PPT2: variants seen among roughly 807,000 people sequenced by gnomAD.
PPT2 encodes lysosomal thioesterase PPT2.
A neutral mutation model predicts 37.3 loss-of-function variants in PPT2; 20 were observed. The observed-to-expected ratio is 0.54, with a 90% CI of 0.38 to 0.78. The LOEUF is 0.78. PPT2 is among the 30% of genes least tolerant of loss of function. PPT2 has a pLI of 0.00. For synonymous variants in PPT2, 135 were observed against 159.1 expected, an observed-to-expected ratio of 0.85 and a Z score of 1.14; for missense variants, 270 against 389.8, an observed-to-expected ratio of 0.69 and a Z score of 2.59.
chr6:32,157,550 C>A lies in PPT2; in HGVS notation c.542-87C>A, dbSNP rs959212169. On this transcript the variant is annotated intron_variant, in intron 5 of 8. Coordinates refer to ENST00000324816, the MANE Select transcript of PPT2 (RefSeq NM_005155.7). ...ACTATTTTATTACTATCCACCTTGA[C>A]TATTGCTGCAGCTTCCTTATTGGGC... is the stretch of plus-strand genomic sequence containing the variant. 15 of 1,138,586 alleles carry A rather than the reference C, an allele frequency of 1.3e-5. No homozygotes were observed. The African/African-American group carries it at 2.1e-4, about 16-fold the overall frequency. 70.5% of individuals were successfully genotyped at this position (1,138,586 alleles called of 1,614,324 possible).
Position 32,162,474 on chromosome 6 carries a change from C to T in PPT2, c.711-94C>T, listed in dbSNP as rs978597723. The T allele has an allele frequency of 7.7e-6, 10 of 1,290,948 alleles. No homozygotes were observed. In the African/African-American group the frequency reaches 1.5e-4, roughly 19 times the overall value. 80.0% of individuals were successfully genotyped at this position (1,290,948 alleles called of 1,614,324 possible). On this transcript the variant is annotated intron_variant, in intron 7 of 8. Coordinates refer to ENST00000324816, the MANE Select transcript of PPT2 (RefSeq NM_005155.7). This position sits in a 1 kb window ranked among gnomAD's most constrained non-coding sequence, Gnocchi z 5.5. ...GCCTCAGGTGATTTGCCCTCCTTGG[C>T]CTCCCAAAGTGCTGCAATTACAGGC...
At chr6:32,161,964 G>GGCCTTGGCC (rs1784191346) in intron 7 of PPT2, among the ~76,000 whole-genome samples, 1 of 150,742 alleles carries the variant, frequency 6.6e-6, no homozygotes, top group Admixed American at 6.6e-5. Flanking sequence ...GTGATCCGCC[G>GGCCTTGGCC]GCCTTGGCCT....
Position 32,154,358 on chromosome 6 carries a change from A to G in PPT2, c.-55A>G. 1 of 1,419,660 alleles carries G rather than the reference A, an allele frequency of 7.0e-7. No individual in the cohort carries two copies. The highest frequency in any genetic ancestry group is 9.2e-7 in the Non-Finnish European group (1 of 1,091,400). 87.9% of individuals were successfully genotyped at this position (1,419,660 alleles called of 1,614,324 possible). On this transcript the variant is annotated 5_prime_UTR_variant, in exon 1 of 9. Coordinates refer to ENST00000324816, the MANE Select transcript of PPT2 (RefSeq NM_005155.7). This position sits in a 1 kb window ranked among gnomAD's most constrained non-coding sequence, Gnocchi z 7.3. ...TAGGAAGATCCTGGACCTAGAGAAC[A>G]AGTCCCCCGAACGCTGAGTTGGAGG... is the stretch of plus-strand genomic sequence containing the variant.
chr6:32,153,602 A>T, upstream of PPT2: 1 of 1,598,262 alleles, frequency 6.3e-7, no homozygotes, highest in Non-Finnish European at 8.5e-7. The surrounding 1 kb of genome is among the most constrained non-coding windows in gnomAD (Gnocchi z 4.4). Flanking sequence ...GTCTCTGGAG[A>T]CAAGGGCACT....
chr6:32,157,248 TCTCA>T (rs1783857887), intron 5 of PPT2: 1 of 237,906 alleles, frequency 4.2e-6, no homozygotes, highest in Non-Finnish European at 8.3e-6. Flanking sequence ...TGAGATGGAG[TCTCA>T]CTGTGTCTCC....
At chr6:32,159,459 T>A (rs41268916) in intron 7 of PPT2, among the ~76,000 whole-genome samples, 2,524 of 96,896 alleles carry the variant, frequency 0.026, 44 homozygotes, top group Non-Finnish European at 0.042. Flanking sequence ...AAAATATATA[T>A]ATATATATAT....
In PPT2 at chr6:32,154,602, G is replaced by T; in HGVS notation, c.8G>T (p.Gly3Val). 1 of 1,610,996 alleles carries T rather than the reference G, an allele frequency of 6.2e-7. No individual in the cohort carries two copies. Among genetic ancestry groups the T allele is most frequent in the East Asian group, 2.2e-5 (1 of 44,812 alleles). The change falls in exon 2 of 9, where the codon GGG becomes GTG. Residue 3 changes from glycine (G) to valine (V), a missense_variant. Coordinates refer to ENST00000324816, the MANE Select transcript of PPT2 (RefSeq NM_005155.7). The surrounding 1 kb of genome is among the most constrained non-coding windows in gnomAD (Gnocchi z 7.3). Reference protein sequence around the residue: MLGLCGQRLPAAW... With the variant: MLVLCGQRLPAAW... ...CCTTTCTCAGGCGGGAGCATGCTGG[G>T]GCTCTGCGGGCAGCGGCTCCCCGCG...
In PPT2 at chr6:32,159,433, C is replaced by CAAAAAA. The variant is rs1214191656; in HGVS notation, c.710+1523_710+1528dup. Among the ~76,000 whole-genome samples, 14 of 22,188 alleles carry CAAAAAA rather than the reference C, an allele frequency of 6.3e-4. No individual in the cohort carries two copies. In the South Asian group the frequency reaches 8.2e-3, roughly 13 times the overall value. The allele number at this position is 22,188 out of a possible 152,430, so 14.6% of individuals were successfully genotyped here. On this transcript the variant is annotated intron_variant, in intron 7 of 8. Transcript: ENST00000324816. ...GGGCAACAAGAGCGAAACTCCATCT[C>CAAAAAA]AAAAAAAAAAAAAAAAAAATATATA...
chr6:32,157,279 G>T (rs768137883), intron 5 of PPT2: 4 of 336,010 alleles, frequency 1.2e-5, no homozygotes, highest in Admixed American at 4.3e-5. Context: ...GGAGTGCAGT[G>T]GTGCAGTCTC....
At chr6:32,153,920 T>C (rs1056592465), upstream of PPT2, 1 of 1,360,276 alleles carries the variant, frequency 7.4e-7, no homozygotes, top group African/African-American at 1.5e-5. This position sits in a 1 kb window ranked among gnomAD's most constrained non-coding sequence, Gnocchi z 4.4. Context: ...GAGGCCTTCT[T>C]TCCATTCCCA....
At position 32,155,935 on chromosome 6, in the gene PPT2, T is replaced by C. The variant is rs751334475; in HGVS notation, c.498T>C (p.Tyr166=). 11 of 1,613,998 alleles carry C rather than the reference T, an allele frequency of 6.8e-6. No individual in the cohort carries two copies. The highest frequency in any genetic ancestry group is 6.7e-5 in the African/African-American group (5 of 74,888). ...GGTCTAACCTCTATCGGATCTGCTA[T>C]AGCCCCTGGGGCCAGGAATTCTCCA... ...SMRSNLYRIC[Y]SPWGQEFSIC... Residue 166 remains tyrosine (Y), a synonymous_variant, in exon 5 of 9, where the codon TAT becomes TAC. Transcript: ENST00000324816. This position sits in a 1 kb window ranked among gnomAD's most constrained non-coding sequence, Gnocchi z 4.3.
Position 32,155,226 on chromosome 6 carries a change from G to A in PPT2, c.337+43G>A, listed in dbSNP as rs2127387302. On this transcript the variant is annotated intron_variant, in intron 3 of 8. Transcript: ENST00000324816. The surrounding 1 kb of genome is among the most constrained non-coding windows in gnomAD (Gnocchi z 4.3). ...CCCTAACTCCTAAGCCCTATCTGAG[G>A]CTTGATCCTTATCTGAGGGACACTT... 1 of 1,605,846 alleles carries A rather than the reference G, an allele frequency of 6.2e-7. No individual in the cohort carries two copies. The highest frequency in any genetic ancestry group is 2.2e-5 in the East Asian group (1 of 44,802).
chr6:32,162,722 G>A lies in PPT2; in HGVS notation c.766-85G>A. 6.3e-7 allele frequency: 1 copy of A among 1,581,728 alleles called. No homozygotes were observed. Among genetic ancestry groups the A allele is most frequent in the East Asian group, 2.2e-5 (1 of 44,716 alleles). ...GCTGAAGGGTTCACCCTGTGGGGAG[G>A]AGGTCCAGGATCCCAGCAGTAACTC... On this transcript the variant is annotated intron_variant, in intron 8 of 8. Transcript: ENST00000324816. The surrounding 1 kb of genome is among the most constrained non-coding windows in gnomAD (Gnocchi z 5.5).
At position 32,159,472 on chromosome 6, in the gene PPT2, A is replaced by ATATATATATATATATATC. The variant is rs1465188963; in HGVS notation, c.710+1549_710+1550insATATATATATATATATCT. On this transcript the variant is annotated intron_variant, in intron 7 of 8. Transcript: ENST00000324816. The stretch of plus-strand genomic sequence containing the variant: ...AAAAAATATATATATATATATATAT[A>ATATATATATATATATATC]TCCTCATCCCTATTTCCCGACAGTC... 5.1e-3 allele frequency among the ~76,000 whole-genome samples: 650 copies of ATATATATATATATATATC among 126,878 alleles called. 2 individuals are homozygous for ATATATATATATATATATC. The highest frequency in any genetic ancestry group is 8.3e-3 in the Middle Eastern group (2 of 242). 83.2% of individuals were successfully genotyped at this position (126,878 alleles called of 152,430 possible). A position where few individuals can be genotyped will look rare whatever the true frequency, so the allele number is the denominator to read the frequency against.
intron 7 of PPT2, among the ~76,000 whole-genome samples, chr6:32,160,607 A>C (rs1368070815): frequency 6.6e-6 from 1 of 151,878 alleles, no homozygotes; most frequent in Non-Finnish European, 1.5e-5. Flanking sequence ...CGGAGGTTGC[A>C]ATGAGCCGAC....
At chr6:32,154,132 CT>C (rs1783555485), upstream of PPT2, 2 of 1,092,108 alleles carry the variant, frequency 1.8e-6, no homozygotes, top group African/African-American at 1.7e-5. The surrounding 1 kb of genome is among the most constrained non-coding windows in gnomAD (Gnocchi z 7.3). Flanking sequence ...GCCCTTCCCC[CT>C]CCCATCCGTC....
At chr6:32,161,497 C>G (rs957912929) in intron 7 of PPT2, among the ~76,000 whole-genome samples, 6 of 151,308 alleles carry the variant, frequency 4.0e-5, no homozygotes, top group Non-Finnish European at 5.9e-5. Flanking sequence ...CCATGTTGGC[C>G]AGGCTGGTCT....
rs1168886796 is a variant in PPT2, at chr6:32,154,401, G to T, written c.-12G>T. ...GTTGGAGGCGGGACTTCGGGTGCGC[G>T]TTGGTGCGTCAACGTGGTGGGGGGG... On this transcript the variant is annotated 5_prime_UTR_variant, in exon 1 of 9. Coordinates refer to ENST00000324816, the MANE Select transcript of PPT2 (RefSeq NM_005155.7). This position sits in a 1 kb window ranked among gnomAD's most constrained non-coding sequence, Gnocchi z 7.3. The T allele has an allele frequency of 1.0e-5, 15 of 1,447,762 alleles. No homozygotes were observed. Among genetic ancestry groups the T allele is most frequent in the Non-Finnish European group, 1.4e-5 (15 of 1,106,816 alleles). The allele number at this position is 1,447,762 out of a possible 1,614,324, so 89.7% of individuals were successfully genotyped here. A position where few individuals can be genotyped will look rare whatever the true frequency, so the allele number is the denominator to read the frequency against.
At position 32,162,602 on chromosome 6, in the gene PPT2, C is replaced by G; in HGVS notation, c.745C>G (p.Leu249Val). The change falls in exon 8 of 9, where the codon CTG becomes GTG. Residue 249 changes from leucine to valine, a missense_variant. Transcript: ENST00000324816. The surrounding 1 kb of genome is among the most constrained non-coding windows in gnomAD (Gnocchi z 5.5). ...TTTCTATGATGCAAATGAGACCGTC[C>G]TGGAGATGGAGGAGCAACTGGTGAG... The part of the protein sequence containing the change: ...FGFYDANETV[L>V]EMEEQLVYLR... 6.2e-7 allele frequency: 1 copy of G among 1,611,152 alleles called. No homozygotes were observed. Among genetic ancestry groups the G allele is most frequent in the Non-Finnish European group, 8.5e-7 (1 of 1,177,240 alleles).
Sources: gnomAD v4.1 joint callset for allele counts (sites outside exome capture counted in the v4.1 genomes callset) on GRCh38, gnomAD v4.1.1 for gene constraint, Gnocchi (gnomAD v3.1) non-coding constraint, MANE v1.5 for transcripts, NCBI Gene and HGNC (gene_info 2026-07-23, HGNC 2026-07-21) for gene names.